Variants in MTFR1 observed in about 807,000 individuals in gnomAD.
The protein encoded by MTFR1 is chondrocyte protein with a poly-proline region.
Under a neutral mutation model 38.8 loss-of-function variants are expected in MTFR1, and 28 were observed. That is an observed-to-expected ratio of 0.72 (90% CI 0.53 to 0.99). The LOEUF (loss-of-function observed/expected upper bound fraction) is 0.99. Ranked by LOEUF, MTFR1 falls within the 50% of genes least tolerant of loss-of-function variation. MTFR1 has a pLI of 0.00. For synonymous variants in MTFR1, 145 were observed against 137.0 expected (o/e 1.06, Z -0.41); for missense variants, 358 against 395.5 (o/e 0.91, Z 0.81).
chr8:65,699,258 T>C (rs1041652145), intron 4 of MTFR1, among the ~76,000 whole-genome samples: 25 of 152,170 alleles, frequency 1.6e-4, no homozygotes, highest in Admixed American at 1.4e-3. Flanking sequence ...GACATTTAGG[T>C]TGGTTCCGTG....
downstream of MTFR1, among the ~76,000 whole-genome samples, chr8:65,771,575 C>A (rs1001277856): frequency 6.6e-6 from 1 of 152,034 alleles, no homozygotes; most frequent in Non-Finnish European, 1.5e-5. Flanking sequence ...AACAGATAAT[C>A]CTGGCTGGGC....
intron 1 of MTFR1, among the ~76,000 whole-genome samples, chr8:65,656,943 C>T (rs1050834480): frequency 3.9e-5 from 6 of 151,978 alleles, no homozygotes; most frequent in African/African-American, 7.3e-5. Flanking sequence ...ACCACACCTG[C>T]AGGACAGTAA....
At chr8:65,765,007 T>G (rs1808698014) in intron 3 of MTFR1, among the ~76,000 whole-genome samples, 1 of 152,096 alleles carries the variant, frequency 6.6e-6, no homozygotes, top group African/African-American at 2.4e-5. Context: ...CCATAGTCAA[T>G]TCAATGCAAT....
chr8:65,757,317 C>A (rs1309418795), intron 3 of MTFR1, among the ~76,000 whole-genome samples: 1 of 152,246 alleles, frequency 6.6e-6, no homozygotes, highest in Non-Finnish European at 1.5e-5. Flanking sequence ...ATGGAAGTTA[C>A]AAGCCAGGAA....
At chr8:65,693,899 CTGTT>C in intron 4 of MTFR1, 140 bp downstream of exon 4, 1 of 672,772 alleles carries the variant, frequency 1.5e-6, no homozygotes, top group South Asian at 2.0e-5. Flanking sequence ...GTCTTCTTTT[CTGTT>C]TATTTTCCTT....
At chr8:65,649,492 CTTTATTTTTA>C (rs1184701837) in intron 1 of MTFR1, among the ~76,000 whole-genome samples, 1 of 151,740 alleles carries the variant, frequency 6.6e-6, no homozygotes, top group Non-Finnish European at 1.5e-5. Flanking sequence ...CCCATTTTAT[CTTTATTTTTA>C]TTTTTGTGGG....
intron 3 of MTFR1, chr8:65,719,816 G>T: frequency 3.2e-6 from 1 of 316,724 alleles, no homozygotes; most frequent in Non-Finnish European, 6.0e-6. Flanking sequence ...TAAACTCTGA[G>T]GATACTCGGG....
chr8:65,645,705 C>CCCCCCG (rs1015727774), intron 1 of MTFR1, among the ~76,000 whole-genome samples: 6 of 114,400 alleles, frequency 5.2e-5, no homozygotes, highest in African/African-American at 2.0e-4. Flanking sequence ...CCCCCCCCCC[C>CCCCCCG]CTTTGTAGAG....
chr8:65,661,527 T>C (rs367829072), intron 1 of MTFR1, among the ~76,000 whole-genome samples: 2 of 152,006 alleles, frequency 1.3e-5, no homozygotes, highest in Non-Finnish European at 2.9e-5. Context: ...ATACCAGCTA[T>C]TTAAGAGGCA....
intron 4 of MTFR1, among the ~76,000 whole-genome samples, chr8:65,696,626 G>C (rs1469147377): frequency 6.6e-6 from 1 of 152,082 alleles, no homozygotes; most frequent in Non-Finnish European, 1.5e-5. Context: ...ATCATTTAAA[G>C]AATGTTACAT....
rs1389515014 is a variant in MTFR1 at position 65,716,521 on chromosome 8, A to T, written c.382-2859A>T. On this transcript the variant is annotated intron_variant, in intron 2 of 3. Transcript: ENST00000521247. Reference sequence around the variant, plus strand: ...TGGTCCACAAACATGAATATCACAGAAGACATGGGTCTTCTGTGCACCCAA... The same window carrying T: ...TGGTCCACAAACATGAATATCACAGTAGACATGGGTCTTCTGTGCACCCAA... Among the ~76,000 whole-genome samples, 5 of 152,196 alleles carry T rather than the reference A, an allele frequency of 3.3e-5. No individual in the cohort carries two copies. In the East Asian group the frequency reaches 9.7e-4, roughly 29 times the overall value.
In MTFR1 at chr8:65,676,388, C is replaced by T. The variant is rs549539528; in HGVS notation, c.67-5965C>T. On this transcript the variant is annotated intron_variant, in intron 2 of 7. Coordinates refer to ENST00000262146, the MANE Select transcript of MTFR1 (RefSeq NM_014637.4). The stretch of plus-strand genomic sequence containing the variant: ...ATTTATTTTTGTTTGTTCTTTGAGA[C>T]GAAATCTTGTTGTGTCCCAGGCTGG... Among the ~76,000 whole-genome samples the T allele has an allele frequency of 3.5e-4, 54 of 152,226 alleles. 2 individuals are homozygous for T. The South Asian group carries it at 7.5e-3, about 21-fold the overall frequency.
chr8:65,748,151 A>G lies in MTFR1; in HGVS notation c.*49-22796A>G, dbSNP rs571683829. 8.5e-5 allele frequency among the ~76,000 whole-genome samples: 13 copies of G among 152,114 alleles called. No individual in the cohort carries two copies. The South Asian group carries it at 2.7e-3, about 32-fold the overall frequency. On this transcript the variant is annotated intron_variant, in intron 3 of 3. Transcript: ENST00000521247. ...ACCTCTTACTCTTTTGCTTCAATATACCACATAAACATGGAGCAGAAACAT... is the reference window on the plus strand; with the variant it reads ...ACCTCTTACTCTTTTGCTTCAATATGCCACATAAACATGGAGCAGAAACAT...
chr8:65,657,271 C>T (rs1295428466), intron 1 of MTFR1, among the ~76,000 whole-genome samples: 1 of 152,152 alleles, frequency 6.6e-6, no homozygotes, highest in African/African-American at 2.4e-5. Context: ...CCTTGGCCTC[C>T]CAAAGTGCTG....
intron 5 of MTFR1, among the ~76,000 whole-genome samples, chr8:65,706,577 G>C (rs578000100): frequency 6.6e-6 from 1 of 152,302 alleles, no homozygotes; most frequent in South Asian, 2.1e-4. Flanking sequence ...TTAATGCTTA[G>C]TAAGTCTTAT....
chr8:65,682,508 T>C (rs1804930213), intron 3 of MTFR1, 57 bp downstream of exon 3: 1 of 951,286 alleles, frequency 1.1e-6, no homozygotes, highest in Non-Finnish European at 1.4e-6. Context: ...GAAATATAAA[T>C]AGGCAAGATG....
chr8:65,685,879 C>T (rs1177898492), intron 3 of MTFR1, among the ~76,000 whole-genome samples: 1 of 152,094 alleles, frequency 6.6e-6, no homozygotes, highest in Non-Finnish European at 1.5e-5. Flanking sequence ...TTAAGGATTA[C>T]AAAGAGCCTG....
intron 3 of MTFR1, among the ~76,000 whole-genome samples, chr8:65,737,990 T>C (rs1407949069): frequency 6.6e-6 from 1 of 152,246 alleles, no homozygotes; most frequent in Non-Finnish European, 1.5e-5. Context: ...GGTCTCTCAC[T>C]ATTAAGTATA....
At chr8:65,684,389 CTT>C (rs139448639) in intron 3 of MTFR1, among the ~76,000 whole-genome samples, 6 of 143,682 alleles carry the variant, frequency 4.2e-5, no homozygotes, top group Admixed American at 1.4e-4. Flanking sequence ...TATATTGAGT[CTT>C]TTTTTTTTTT....
Sources: gnomAD v4.1 joint callset for allele counts (sites outside exome capture counted in the v4.1 genomes callset) on GRCh38, gnomAD v4.1.1 for gene constraint, MANE v1.5 for transcripts, NCBI Gene and HGNC (gene_info 2026-07-23, HGNC 2026-07-21) for gene names.